Variants in DLG2 observed in about 807,000 individuals in gnomAD.
The protein encoded by DLG2 is discs large MAGUK scaffold protein 2, also known as disks large homolog 2.
DLG2 carries 45 observed loss-of-function variants against 132.5 expected under a neutral mutation model. The observed-to-expected ratio is 0.34, with a 90% confidence interval of 0.27 to 0.44. The LOEUF (loss-of-function observed/expected upper bound fraction) is 0.44. DLG2 is among the 20% of genes least tolerant of loss of function. The pLI, the probability that DLG2 is intolerant of heterozygous loss-of-function variation, is 1.00. For missense variants in DLG2, 1,045 were observed against 1,196.9 expected, an observed-to-expected ratio of 0.87 and a Z score of 1.87; for synonymous variants, 424 against 419.6, an observed-to-expected ratio of 1.01 and a Z score of -0.13.
intron 6 of DLG2, among the ~76,000 whole-genome samples, chr11:84,601,754 C>T (rs2099576951): frequency 6.6e-6 from 1 of 151,962 alleles, no homozygotes; most frequent in Non-Finnish European, 1.5e-5. Context: ...TCAGTTTTTA[C>T]ACAATTGTAG....
chr11:83,874,246 G>T (rs963418681), intron 16 of DLG2, among the ~76,000 whole-genome samples, 174 bp downstream of exon 16: 1 of 143,972 alleles, frequency 6.9e-6, no homozygotes, highest in Non-Finnish European at 1.5e-5. Context: ...AAAGAAAGAA[G>T]GGAAGGAAGG....
At chr11:83,767,092 T>C (rs1425331966) in intron 18 of DLG2, among the ~76,000 whole-genome samples, 12 of 152,228 alleles carry the variant, frequency 7.9e-5, no homozygotes, top group Admixed American at 5.2e-4. Flanking sequence ...TGACTTCTCA[T>C]CTCAAGATCC....
In DLG2 at chr11:84,815,336, A is replaced by C. The variant is rs184651964; in HGVS notation, c.358-280605T>G. ...GGAGAGTTTTTGACTGTCCCAGGAC[A>C]TGGAATCCTGGTTTAGTCAAAATTT... On this transcript the variant is annotated intron_variant, in intron 6 of 27. Coordinates refer to ENST00000376104, the MANE Select transcript of DLG2 (RefSeq NM_001142699.3). Among the ~76,000 whole-genome samples, 253 of 152,218 alleles carry C rather than the reference A, an allele frequency of 1.7e-3. 3 individuals are homozygous for C. Among genetic ancestry groups the C allele is most frequent in the Admixed American group, 0.016 (242 of 15,274 alleles).
chr11:85,525,760 A>C lies in DLG2; in HGVS notation c.40+72897T>G, dbSNP rs143726655. Among the ~76,000 whole-genome samples, 675 of 152,310 alleles carry C rather than the reference A, an allele frequency of 4.4e-3. 3 individuals carry two copies. The highest frequency in any genetic ancestry group is 7.9e-3 in the Non-Finnish European group (536 of 68,016). ...CAGGAGAATATTTTCAGGCCACAGCACAGAAATAGAGAACTCAGTTTATGC... is the reference window on the plus strand; with the variant it reads ...CAGGAGAATATTTTCAGGCCACAGCCCAGAAATAGAGAACTCAGTTTATGC... On this transcript the variant is annotated intron_variant, in intron 3 of 27. Coordinates refer to ENST00000376104, the MANE Select transcript of DLG2 (RefSeq NM_001142699.3).
At chr11:84,124,717 T>C (rs992704227) in intron 9 of DLG2, among the ~76,000 whole-genome samples, 1 of 152,196 alleles carries the variant, frequency 6.6e-6, no homozygotes, top group Non-Finnish European at 1.5e-5. Context: ...ATGGATATCT[T>C]ATTTTGAAAT....
intron 6 of DLG2, among the ~76,000 whole-genome samples, chr11:84,645,922 C>T (rs1468666015): frequency 6.6e-6 from 1 of 152,178 alleles, no homozygotes; most frequent in Non-Finnish European, 1.5e-5. Flanking sequence ...TGGTTCACAA[C>T]ATTCAGGCTA....
At chr11:84,186,954 C>T (rs779226310) in intron 8 of DLG2, among the ~76,000 whole-genome samples, 2 of 151,742 alleles carry the variant, frequency 1.3e-5, no homozygotes, top group African/African-American at 2.4e-5. Flanking sequence ...TGTATGCACC[C>T]CTCAGTTGTC....
chr11:85,617,024 G>T (rs1260747670), intron 2 of DLG2, among the ~76,000 whole-genome samples: 1 of 152,074 alleles, frequency 6.6e-6, no homozygotes, highest in African/African-American at 2.4e-5. Flanking sequence ...TTAACCCCAG[G>T]GAAGTGGGGA....
At chr11:84,554,050 A>G (rs1432281694) in intron 6 of DLG2, among the ~76,000 whole-genome samples, 1 of 152,216 alleles carries the variant, frequency 6.6e-6, no homozygotes. Context: ...CCAATTCTAA[A>G]TTGAATTCAA....
intron 3 of DLG2, among the ~76,000 whole-genome samples, chr11:85,429,390 C>G (rs566733643): frequency 9.9e-5 from 15 of 152,142 alleles, no homozygotes; most frequent in African/African-American, 3.4e-4. Context: ...AGCTTCTGCA[C>G]GGCAAAAGAA....
intron 17 of DLG2, among the ~76,000 whole-genome samples, chr11:83,829,940 C>A (rs1460719224): frequency 2.0e-5 from 3 of 152,088 alleles, no homozygotes; most frequent in Non-Finnish European, 4.4e-5. Flanking sequence ...TGTTCGCCAT[C>A]CTGTGTCCAA....
chr11:83,655,490 A>ATGCT (rs1361028696), intron 18 of DLG2, among the ~76,000 whole-genome samples: 1 of 152,196 alleles, frequency 6.6e-6, no homozygotes, highest in African/African-American at 2.4e-5. Flanking sequence ...CAGCTGGGAC[A>ATGCT]TGCTTGGGAG....
chr11:84,632,115 C>G (rs2099633176), intron 6 of DLG2, among the ~76,000 whole-genome samples: 1 of 152,184 alleles, frequency 6.6e-6, no homozygotes, highest in African/African-American at 2.4e-5. Flanking sequence ...ACCATCAGAC[C>G]TGAATACCAA....
chr11:84,674,342 G>C (rs1254298117), intron 6 of DLG2, among the ~76,000 whole-genome samples: 2 of 152,006 alleles, frequency 1.3e-5, no homozygotes, highest in African/African-American at 4.8e-5. Context: ...ACTTCCTTGA[G>C]TAGTCATCAT....
At chr11:84,499,442 C>T (rs2099195768) in intron 7 of DLG2, among the ~76,000 whole-genome samples, 2 of 152,160 alleles carry the variant, frequency 1.3e-5, no homozygotes, top group African/African-American at 2.4e-5. Flanking sequence ...TAAAGAGGTG[C>T]TAACACATAA....
intron 7 of DLG2, among the ~76,000 whole-genome samples, chr11:84,404,899 G>A (rs778360670): frequency 2.6e-5 from 4 of 152,240 alleles, no homozygotes; most frequent in Non-Finnish European, 4.4e-5. Flanking sequence ...ATAACCTAAT[G>A]TCACTTACTT....
intron 5 of DLG2, among the ~76,000 whole-genome samples, chr11:85,124,191 G>C (rs1250825038): frequency 6.6e-6 from 1 of 152,210 alleles, no homozygotes; most frequent in African/African-American, 2.4e-5. Context: ...CCCCTTGTCT[G>C]GGATGTTCTT....
At chr11:83,478,942 G>A (rs1479813644) in intron 22 of DLG2, among the ~76,000 whole-genome samples, 1 of 151,564 alleles carries the variant, frequency 6.6e-6, no homozygotes, top group Non-Finnish European at 1.5e-5. Context: ...AAAGGGGAGA[G>A]GCAAATTTTT....
At chr11:85,400,261 T>A (rs963702977) in intron 3 of DLG2, among the ~76,000 whole-genome samples, 3 of 150,382 alleles carry the variant, frequency 2.0e-5, no homozygotes, top group Non-Finnish European at 4.4e-5. Flanking sequence ...AGAATGGCTA[T>A]CATTAAAAAG....
Sources: allele counts gnomAD v4.1 joint callset (sites outside exome capture counted in the v4.1 genomes callset), GRCh38; gene constraint gnomAD v4.1.1; transcripts MANE v1.5; gene names NCBI Gene and HGNC (gene_info 2026-07-23, HGNC 2026-07-21).